NAV2: variants seen among roughly 807,000 people sequenced by gnomAD.
NAV2 encodes the protein helicase, APC down-regulated 1.
In NAV2, 54 loss-of-function variants were observed where a neutral mutation model predicts 223.2. The observed-to-expected ratio is 0.24, with a 90% CI of 0.19 to 0.30. The LOEUF (loss-of-function observed/expected upper bound fraction) is 0.30. NAV2 is among the 10% of genes least tolerant of loss of function. The pLI is 1.00. For missense variants in NAV2, 2,806 were observed against 3,147.5 expected, an observed-to-expected ratio of 0.89 and a Z score of 2.60; for synonymous variants, 1,279 against 1,239.3, an observed-to-expected ratio of 1.03 and a Z score of -0.67.
chr11:19,442,700 C>A (rs557690554), intron 1 of NAV2, among the ~76,000 whole-genome samples: 4 of 152,180 alleles, frequency 2.6e-5, no homozygotes, highest in Non-Finnish European at 5.9e-5. Flanking sequence ...TTCCACCCTG[C>A]CACCAACTGG....
At chr11:19,907,391 C>T (rs1161810194) in intron 6 of NAV2, among the ~76,000 whole-genome samples, 3 of 152,154 alleles carry the variant, frequency 2.0e-5, no homozygotes, top group African/African-American at 7.2e-5. Context: ...CACTGAATGA[C>T]CTTCACTGAA....
chr11:19,996,993 G>GGA (rs1415986617), intron 11 of NAV2, among the ~76,000 whole-genome samples: 1 of 152,096 alleles, frequency 6.6e-6, no homozygotes, highest in African/African-American at 2.4e-5. Flanking sequence ...CCTGAGGTTT[G>GGA]GAGAGAGAGA....
At chr11:20,026,810 T>G (rs1228608664) in intron 11 of NAV2, among the ~76,000 whole-genome samples, 1 of 152,224 alleles carries the variant, frequency 6.6e-6, no homozygotes, top group African/African-American at 2.4e-5. Context: ...CGTGGGACTA[T>G]TTCTCCAATC....
At chr11:19,553,041 T>C (rs1329578403) in intron 1 of NAV2, among the ~76,000 whole-genome samples, 2 of 152,210 alleles carry the variant, frequency 1.3e-5, no homozygotes, top group African/African-American at 4.8e-5. Flanking sequence ...GCCTCCAGTC[T>C]CAGCATGGCT....
intron 1 of NAV2, among the ~76,000 whole-genome samples, chr11:19,406,959 C>T (rs1849923104): frequency 6.6e-6 from 1 of 152,198 alleles, no homozygotes; most frequent in African/African-American, 2.4e-5. Context: ...AACTCCCTTT[C>T]AGGAATTGTG....
chr11:20,022,894 A>T (rs779159408), intron 11 of NAV2: 2 of 1,375,852 alleles, frequency 1.5e-6, no homozygotes, highest in East Asian at 5.2e-5. Context: ...ATCCTTCAGC[A>T]CTTCAGAGGT....
rs1335740510 is a variant in NAV2 at position 20,119,072 on chromosome 11, T to G, written c.*814T>G. The G allele has an allele frequency of 6.6e-6, 1 of 152,024 alleles. No homozygotes were observed. The highest frequency in any genetic ancestry group is 2.4e-5 in the African/African-American group (1 of 41,372). The allele number at this position is 152,024 out of a possible 1,614,324, so 9.4% of individuals were successfully genotyped here. ...ATATATGAATGAATCAGGTTTTTTT[T>G]TTTTTTTTTCTGCAAACACTGTGTA... On this transcript the variant is annotated 3_prime_UTR_variant, in exon 38 of 38. Transcript: ENST00000349880.
chr11:20,042,040 G>T (rs1485500109), intron 12 of NAV2, among the ~76,000 whole-genome samples: 1 of 152,124 alleles, frequency 6.6e-6, no homozygotes, highest in Admixed American at 6.5e-5. Context: ...TCCACCATGG[G>T]TGGGAAATCA....
At chr11:19,594,553 G>A (rs74354961) in intron 1 of NAV2, among the ~76,000 whole-genome samples, 386 of 152,044 alleles carry the variant, frequency 2.5e-3, no homozygotes, top group African/African-American at 8.8e-3. Flanking sequence ...ATGAGTTGTC[G>A]GTCCCAACAT....
At chr11:19,351,413 G>T (rs1263043412) in intron 1 of NAV2, among the ~76,000 whole-genome samples, 3 of 152,178 alleles carry the variant, frequency 2.0e-5, no homozygotes, top group African/African-American at 7.2e-5. Flanking sequence ...GGTTTTGTTT[G>T]AATTATTCTC....
At chr11:19,745,874 C>A (rs1347393613) in intron 1 of NAV2, among the ~76,000 whole-genome samples, 1 of 152,170 alleles carries the variant, frequency 6.6e-6, no homozygotes, top group Non-Finnish European at 1.5e-5. Flanking sequence ...CCTAACAGGC[C>A]ATACAATGGT....
chr11:19,360,585 C>G (rs1853877654), intron 1 of NAV2, among the ~76,000 whole-genome samples: 1 of 152,234 alleles, frequency 6.6e-6, no homozygotes, highest in African/African-American at 2.4e-5. Context: ...TTGTCTGTCC[C>G]TGGGCCAGTC....
intron 11 of NAV2, among the ~76,000 whole-genome samples, chr11:20,005,212 C>T (rs1217332345): frequency 6.7e-6 from 1 of 150,248 alleles, no homozygotes; most frequent in Non-Finnish European, 1.5e-5. Context: ...CAATTTCAAT[C>T]CCAAGTGATT....
chr11:19,832,337 CA>C, intron 1 of NAV2, 146 bp from the exon 2 acceptor site: 1 of 685,588 alleles, frequency 1.5e-6, no homozygotes, highest in Non-Finnish European at 2.6e-6. Context: ...GCGTGATCAG[CA>C]CAATGCACTG....
chr11:20,053,992 C>A, intron 17 of NAV2, 88 bp from the exon 18 acceptor site: 1 of 1,323,376 alleles, frequency 7.6e-7, no homozygotes, highest in South Asian at 1.4e-5. Context: ...TATATGTTTT[C>A]TTTTTATATA....
rs1360588564 is a variant in NAV2 at position 19,358,747 on chromosome 11, C to T, written c.75+7720C>T. ...GTAAGGTTCCTTCAGACCCCCTCTT[C>T]CCACCTCTTACACAGAGGTGTGTGA... On this transcript the variant is annotated intron_variant, in intron 1 of 37. Coordinates refer to the NAV2 transcript ENST00000360655. Among the ~76,000 whole-genome samples the T allele has an allele frequency of 3.3e-5, 5 of 152,170 alleles. No homozygotes were observed. In the East Asian group the frequency reaches 7.7e-4, roughly 23 times the overall value.
chr11:19,498,980 T>C (rs147212244), intron 1 of NAV2, among the ~76,000 whole-genome samples: 84 of 152,364 alleles, frequency 5.5e-4, no homozygotes, highest in African/African-American at 1.9e-3. Flanking sequence ...CTTCTCACCA[T>C]GTTCCAGTCT....
intron 1 of NAV2, among the ~76,000 whole-genome samples, chr11:19,381,045 A>T (rs985409862): frequency 1.3e-5 from 2 of 152,144 alleles, no homozygotes; most frequent in Non-Finnish European, 2.9e-5. Flanking sequence ...CTCTTTGCCT[A>T]TACCTGTGTT....
intron 1 of NAV2, among the ~76,000 whole-genome samples, chr11:19,764,342 A>G (rs1204493711): frequency 6.6e-6 from 1 of 152,272 alleles, no homozygotes; most frequent in African/African-American, 2.4e-5. Flanking sequence ...GGTAAGAAAC[A>G]AGAAAATTTT....
Sources: allele counts gnomAD v4.1 joint callset (sites outside exome capture counted in the v4.1 genomes callset), GRCh38; gene constraint gnomAD v4.1.1; transcripts MANE v1.5; gene names NCBI Gene and HGNC (gene_info 2026-07-23, HGNC 2026-07-21).